Variants in CAMKMT observed in about 807,000 individuals in gnomAD.
CAMKMT encodes CaM KMT.
In CAMKMT, 53 loss-of-function variants were observed where a neutral mutation model predicts 48.0. That is an observed-to-expected ratio of 1.10 (90% confidence interval 0.89 to 1.39). CAMKMT has a LOEUF of 1.39. Ranked by LOEUF, CAMKMT falls within the 40% of genes most tolerant of loss-of-function variation. The pLI is 0.00. For missense variants in CAMKMT, 428 were observed against 402.7 expected, an observed-to-expected ratio of 1.06 and a Z score of -0.54; for synonymous variants, 165 against 152.3, an observed-to-expected ratio of 1.08 and a Z score of -0.61.
intron 3 of CAMKMT, among the ~76,000 whole-genome samples, chr2:44,469,335 A>G (rs1668294854): frequency 7.6e-6 from 1 of 132,282 alleles, no homozygotes; most frequent in Admixed American, 8.5e-5. Flanking sequence ...TGGCTGTTGA[A>G]TCTTATTAAA....
chr2:44,463,277 A>G (rs74643849), intron 3 of CAMKMT, among the ~76,000 whole-genome samples: 4 of 152,364 alleles, frequency 2.6e-5, no homozygotes, highest in Non-Finnish European at 4.4e-5. Context: ...TTAACAATAT[A>G]TGACCCAAAA....
At chr2:44,535,734 T>A (rs1428584689) in intron 3 of CAMKMT, among the ~76,000 whole-genome samples, 1 of 152,104 alleles carries the variant, frequency 6.6e-6, no homozygotes, top group Non-Finnish European at 1.5e-5. Context: ...AGAAGCAACA[T>A]ACATCAACAT....
intron 3 of CAMKMT, among the ~76,000 whole-genome samples, chr2:44,534,620 G>C (rs1443247056): frequency 2.0e-5 from 3 of 152,036 alleles, no homozygotes; most frequent in African/African-American, 7.2e-5. Flanking sequence ...TAAACAACGT[G>C]CTCCTGAATG....
rs1178234804 is a variant in CAMKMT at position 44,765,534 on chromosome 2, A to T, written c.763-896A>T. ...TAGCCATCTTTATTTTTTTTTTTAA[A>T]AAAAAAAAAGGAGATTCTGAAGTTT... On this transcript the variant is annotated intron_variant, in intron 9 of 10. Transcript: ENST00000378494. Among the ~76,000 whole-genome samples the T allele has an allele frequency of 2.5e-3, 304 of 122,526 alleles. 2 individuals are homozygous for T. The highest frequency in any genetic ancestry group is 0.012 in the South Asian group (41 of 3,518). The allele number at this position is 122,526 out of a possible 152,430, so 80.4% of individuals were successfully genotyped here. A position where few individuals can be genotyped will look rare whatever the true frequency, so the allele number is the denominator to read the frequency against.
At chr2:44,528,286 T>C (rs1666281316) in intron 3 of CAMKMT, among the ~76,000 whole-genome samples, 1 of 152,108 alleles carries the variant, frequency 6.6e-6, no homozygotes, top group Non-Finnish European at 1.5e-5. Flanking sequence ...AAAACAGTTA[T>C]TTCCTTAGTT....
At chr2:44,695,619 C>G (rs1205578655) in intron 3 of CAMKMT, among the ~76,000 whole-genome samples, 1 of 152,196 alleles carries the variant, frequency 6.6e-6, no homozygotes, top group Non-Finnish European at 1.5e-5. Flanking sequence ...AGAAACCTCA[C>G]TAAACCTCTA....
intron 3 of CAMKMT, among the ~76,000 whole-genome samples, chr2:44,400,445 A>G (rs1020040476): frequency 2.0e-5 from 3 of 151,850 alleles, no homozygotes; most frequent in Non-Finnish European, 2.9e-5. Context: ...GGCACTCACC[A>G]CTCTACCCAT....
In CAMKMT at chr2:44,631,524, G is replaced by T. The variant is rs779253023; in HGVS notation, c.377-72759G>T. ...TCACTTTATTGCCCATGTTGGTCTT[G>T]ATCTCCTGGACTCAAGCAATCCTTC... On this transcript the variant is annotated intron_variant, in intron 3 of 10. Transcript: ENST00000378494. 1.1e-5 allele frequency: 7 copies of T among 617,746 alleles called. No homozygotes were observed. In the South Asian group the frequency reaches 1.4e-4, roughly 12 times the overall value. 38.3% of individuals were successfully genotyped at this position (617,746 alleles called of 1,614,324 possible). A position where few individuals can be genotyped will look rare whatever the true frequency, so the allele number is the denominator to read the frequency against.
chr2:44,651,527 T>C (rs1411904552), intron 3 of CAMKMT, among the ~76,000 whole-genome samples: 1 of 151,806 alleles, frequency 6.6e-6, no homozygotes, highest in Non-Finnish European at 1.5e-5. Flanking sequence ...CTACTAAAGA[T>C]ACAAAAAAAG....
At position 44,456,601 on chromosome 2, in the gene CAMKMT, A is replaced by G. The variant is rs1295358406; in HGVS notation, c.376+66296A>G. On this transcript the variant is annotated intron_variant, in intron 3 of 10. Coordinates refer to ENST00000378494, the MANE Select transcript of CAMKMT (RefSeq NM_024766.5). ...ACCAGGGGAAAATGAAGATATCACC[A>G]TCAGTAGTAACTCTTCCTTTTTTGT... is the stretch of plus-strand genomic sequence containing the variant. 7 of 1,549,636 alleles carry G rather than the reference A, an allele frequency of 4.5e-6. No homozygotes were observed. In the Admixed American group the frequency reaches 9.8e-5, roughly 22 times the overall value.
At chr2:44,629,433 C>CTTTTTTTTTTTTTTT in intron 3 of CAMKMT, among the ~76,000 whole-genome samples, 1 of 125,328 alleles carries the variant, frequency 8.0e-6, no homozygotes, top group Non-Finnish European at 1.7e-5. Context: ...TTCTTTCTTT[C>CTTTTTTTTTTTTTTT]TTTTTTTTTT....
chr2:44,413,661 AAAAAG>A (rs1421976765), intron 3 of CAMKMT, among the ~76,000 whole-genome samples: 123 of 152,062 alleles, frequency 8.1e-4, no homozygotes, highest in African/African-American at 2.7e-3. Flanking sequence ...CAAAAAAAAA[AAAAAG>A]AAAAGAAAAA....
intron 3 of CAMKMT, among the ~76,000 whole-genome samples, chr2:44,407,441 T>A (rs1682862102): frequency 6.6e-6 from 1 of 152,152 alleles, no homozygotes; most frequent in African/African-American, 2.4e-5. Flanking sequence ...TTGCTTTGTA[T>A]TAGTGCAGGA....
intron 7 of CAMKMT, among the ~76,000 whole-genome samples, chr2:44,723,539 G>C (rs948986713): frequency 1.3e-5 from 2 of 151,000 alleles, no homozygotes; most frequent in Non-Finnish European, 2.9e-5. Context: ...TGCAGTGAGC[G>C]GAGATCACAC....
At chr2:44,540,553 C>G (rs1461924986) in intron 3 of CAMKMT, among the ~76,000 whole-genome samples, 1 of 152,158 alleles carries the variant, frequency 6.6e-6, no homozygotes, top group Non-Finnish European at 1.5e-5. Context: ...GCGTTCAAGA[C>G]CAGCCTGGGC....
chr2:44,448,312 CA>C lies in CAMKMT; in HGVS notation c.376+58010del, dbSNP rs539558866. ...CACATATAAGTGTATCTGCACATTT[CA>C]AACCTGTGTTGTTCAAGGGTCAGCT... On this transcript the variant is annotated intron_variant, in intron 3 of 10. Transcript: ENST00000378494. Among the ~76,000 whole-genome samples the C allele has an allele frequency of 5.3e-5, 8 of 152,298 alleles. No individual in the cohort carries two copies. The South Asian group carries it at 1.2e-3, about 24-fold the overall frequency.
chr2:44,601,616 T>G (rs1470491891), intron 3 of CAMKMT, among the ~76,000 whole-genome samples: 2 of 152,064 alleles, frequency 1.3e-5, no homozygotes, highest in Non-Finnish European at 2.9e-5. Context: ...TCACATGTAG[T>G]GACTTTTGTT....
intron 3 of CAMKMT, among the ~76,000 whole-genome samples, chr2:44,703,623 C>G (rs1677376882): frequency 6.6e-6 from 1 of 151,842 alleles, no homozygotes; most frequent in African/African-American, 2.4e-5. Flanking sequence ...ACTGAAAATA[C>G]AAAAATTAGC....
At chr2:44,750,435 G>A (rs916122730) in intron 8 of CAMKMT, among the ~76,000 whole-genome samples, 24 of 152,154 alleles carry the variant, frequency 1.6e-4, no homozygotes, top group African/African-American at 5.8e-4. Flanking sequence ...GGGATTACAG[G>A]TTTGAGCCAC....
Sources: gnomAD v4.1 joint callset for allele counts (sites outside exome capture counted in the v4.1 genomes callset) on GRCh38, gnomAD v4.1.1 for gene constraint, MANE v1.5 for transcripts, NCBI Gene and HGNC (gene_info 2026-07-23, HGNC 2026-07-21) for gene names.